The following TTC28 variants were observed in gnomAD, a reference collection of about 807,000 sequenced individuals.
TTC28 encodes tetratricopeptide repeat domain 28, also known as tetratricopeptide repeat protein 28.
TTC28 carries 61 observed loss-of-function variants against 198.0 expected under a neutral mutation model. The ratio of observed to expected loss-of-function variants is 0.31; its 90% CI spans 0.25 to 0.38. The LOEUF is 0.38. TTC28 is among the 10% of genes least tolerant of loss of function. TTC28 has a pLI of 1.00. For missense variants in TTC28, 2,678 were observed against 3,164.0 expected (o/e 0.85, Z 3.69); for synonymous variants, 1,171 against 1,297.8 (o/e 0.90, Z 2.10).
intron 2 of TTC28, among the ~76,000 whole-genome samples, chr22:28,461,293 C>A (rs2047946564): frequency 6.6e-6 from 1 of 152,130 alleles, no homozygotes; most frequent in African/African-American, 2.4e-5. Context: ...AAGATAAATA[C>A]CTAATAAGTG....
chr22:28,163,782 A>G (rs1344521400), intron 5 of TTC28, among the ~76,000 whole-genome samples, 183 bp from the exon 6 acceptor site: 1 of 152,218 alleles, frequency 6.6e-6, no homozygotes, highest in Non-Finnish European at 1.5e-5. Context: ...TACCGGGTTC[A>G]TCTCACTGGG....
chr22:28,336,803 C>T lies in TTC28; in HGVS notation c.382-30160G>A, dbSNP rs186962295. On this transcript the variant is annotated intron_variant, in intron 2 of 22. Transcript: ENST00000397906. Reference sequence around the variant, plus strand: ...TTCAAAAAACCAGCTCCTGGATTCACTGATTTTTTGAGGGGCTTTTTGTGT... The same window carrying T: ...TTCAAAAAACCAGCTCCTGGATTCATTGATTTTTTGAGGGGCTTTTTGTGT... 1.8e-4 allele frequency among the ~76,000 whole-genome samples: 28 copies of T among 152,154 alleles called. No individual in the cohort carries two copies. The East Asian group carries it at 3.7e-3, about 20-fold the overall frequency.
chr22:28,252,590 C>T (rs1930595211), intron 5 of TTC28, among the ~76,000 whole-genome samples: 1 of 152,204 alleles, frequency 6.6e-6, no homozygotes, highest in Non-Finnish European at 1.5e-5. Context: ...TCATTTCAGA[C>T]TGCCAAGTTC....
intron 2 of TTC28, among the ~76,000 whole-genome samples, chr22:28,585,613 C>A (rs775329215): frequency 1.3e-5 from 2 of 152,076 alleles, no homozygotes; most frequent in Non-Finnish European, 2.9e-5. Context: ...GGGTTGGGGA[C>A]CCCTGCTTTA....
intron 2 of TTC28, among the ~76,000 whole-genome samples, chr22:28,536,399 C>T (rs376198835): frequency 0.019 from 2,949 of 151,398 alleles, 29 homozygotes; most frequent in Non-Finnish European, 0.026. Flanking sequence ...CCGAGGCGGG[C>T]GGATCACGAG....
rs754859490 is a variant in TTC28, at chr22:27,983,530, C to T, written c.6137G>A (p.Arg2046His). Reference sequence around the variant, plus strand: ...TTCTTCATCTTTGTTGCCTGCAGGGCGGGTCTGGGGAGGCAGCTGGCTCCT... The same window carrying T: ...TTCTTCATCTTTGTTGCCTGCAGGGTGGGTCTGGGGAGGCAGCTGGCTCCT... ...LPRSQLPPQTRPAGNKDEEEY... is the reference protein window; with the variant it reads ...LPRSQLPPQTHPAGNKDEEEY... The change falls in exon 23 of 23, where the codon CGC becomes CAC. Residue 2046 changes from arginine to histidine, a missense_variant. By Grantham distance (29) the Arg-to-His change is conservative. This residue lies in a region of TTC28 where 622 missense variants were observed against 656.0 expected (regional missense o/e 0.95). Transcript: ENST00000397906. 69 of 1,550,888 alleles carry T rather than the reference C, an allele frequency of 4.4e-5. No homozygotes were observed. Among genetic ancestry groups the T allele is most frequent in the Middle Eastern group, 3.3e-4 (2 of 5,982 alleles).
chr22:28,644,974 T>TGA (rs2051434693), intron 1 of TTC28, among the ~76,000 whole-genome samples: 2 of 151,238 alleles, frequency 1.3e-5, no homozygotes, highest in Non-Finnish European at 2.9e-5. Context: ...TGAAACCCCA[T>TGA]CTCTACTAAA....
At chr22:28,344,038 TA>T (rs2045871900) in intron 2 of TTC28, among the ~76,000 whole-genome samples, 1 of 152,052 alleles carries the variant, frequency 6.6e-6, no homozygotes, top group Admixed American at 6.6e-5. Context: ...TTACTATTTC[TA>T]AAAAGTCTCA....
intron 2 of TTC28, among the ~76,000 whole-genome samples, chr22:28,532,140 C>T (rs2049154152): frequency 6.6e-6 from 1 of 151,848 alleles, no homozygotes; most frequent in African/African-American, 2.4e-5. Flanking sequence ...AAAAGATCAA[C>T]AAAATTGATA....
intron 5 of TTC28, among the ~76,000 whole-genome samples, chr22:28,169,431 A>G (rs568731553): frequency 3.3e-5 from 5 of 152,210 alleles, no homozygotes; most frequent in Non-Finnish European, 7.4e-5. Flanking sequence ...CAAATGTCCA[A>G]CAATGATAGA....
At chr22:28,081,083 T>C (rs781771447) in intron 12 of TTC28, among the ~76,000 whole-genome samples, 1 of 151,744 alleles carries the variant, frequency 6.6e-6, no homozygotes, top group Non-Finnish European at 1.5e-5. Context: ...TTGATAACCG[T>C]AACATAGAAA....
intron 2 of TTC28, among the ~76,000 whole-genome samples, chr22:28,392,524 G>A (rs1008109855): frequency 1.3e-5 from 2 of 151,958 alleles, no homozygotes; most frequent in African/African-American, 4.8e-5. Context: ...TCCAAGCCAG[G>A]TGCGGGATAT....
chr22:28,227,883 T>C (rs1004593985), intron 5 of TTC28, among the ~76,000 whole-genome samples: 36 of 152,232 alleles, frequency 2.4e-4, no homozygotes, highest in African/African-American at 7.2e-4. Flanking sequence ...CCCAAAAGAA[T>C]TGAAAGCAGG....
chr22:28,129,526 A>C (rs1375808758), intron 6 of TTC28, among the ~76,000 whole-genome samples: 1 of 152,198 alleles, frequency 6.6e-6, no homozygotes, highest in Non-Finnish European at 1.5e-5. Context: ...GTGTGATCTT[A>C]AGCAAGTTAC....
chr22:28,320,803 A>G (rs944247997), intron 2 of TTC28, among the ~76,000 whole-genome samples: 6 of 152,210 alleles, frequency 3.9e-5, no homozygotes, highest in Non-Finnish European at 1.5e-5. Flanking sequence ...TCTGGGTTCC[A>G]AACTAAATAA....
chr22:28,137,939 C>T (rs1012278175), intron 6 of TTC28, among the ~76,000 whole-genome samples: 19 of 152,062 alleles, frequency 1.2e-4, no homozygotes, highest in Admixed American at 3.3e-4. Flanking sequence ...CACTTGAGCC[C>T]GGGAGGCAGA....
intron 5 of TTC28, among the ~76,000 whole-genome samples, chr22:28,211,552 T>C (rs1386274562): frequency 6.6e-6 from 1 of 152,078 alleles, no homozygotes; most frequent in Non-Finnish European, 1.5e-5. Flanking sequence ...TACATATTGC[T>C]AAAGGGATCA....
chr22:28,512,889 C>T (rs2048710627), intron 2 of TTC28, among the ~76,000 whole-genome samples: 2 of 151,778 alleles, frequency 1.3e-5, no homozygotes, highest in Non-Finnish European at 2.9e-5. Flanking sequence ...ATAACACCTG[C>T]ACATCCTGCA....
chr22:28,321,193 C>T (rs1272081797), intron 2 of TTC28, among the ~76,000 whole-genome samples: 2 of 152,056 alleles, frequency 1.3e-5, no homozygotes, highest in African/African-American at 4.8e-5. Context: ...AATCCTTATG[C>T]CTGTAATCTA....
Sources: gnomAD v4.1 joint callset for allele counts (sites outside exome capture counted in the v4.1 genomes callset) on GRCh38, gnomAD v4.1.1 for gene constraint, gnomAD v4.1.1 regional missense constraint, MANE v1.5 for transcripts, NCBI Gene and HGNC (gene_info 2026-07-23, HGNC 2026-07-21) for gene names.